The following MTHFD1L variants were observed in gnomAD, a reference collection of about 807,000 sequenced individuals.
MTHFD1L encodes the protein monofunctional C1-tetrahydrofolate synthase, mitochondrial.
Under a neutral mutation model 119.5 loss-of-function variants are expected in MTHFD1L, and 81 were observed. The observed-to-expected ratio is 0.68, with a 90% CI of 0.57 to 0.82. The LOEUF (loss-of-function observed/expected upper bound fraction) is 0.82. Among genes scored for constraint, MTHFD1L ranks in the 40% least tolerant of loss-of-function variants. The pLI, the probability that MTHFD1L is intolerant of heterozygous loss-of-function variation, is 0.00. For missense variants in MTHFD1L, 1,125 were observed against 1,253.4 expected (o/e 0.90, Z 1.55); for synonymous variants, 430 against 475.2 (o/e 0.90, Z 1.24).
chr6:151,061,870 G>C (rs1057451001), intron 26 of MTHFD1L, among the ~76,000 whole-genome samples: 17 of 152,184 alleles, frequency 1.1e-4, no homozygotes, highest in Non-Finnish European at 1.9e-4. Context: ...TCTATTTCAA[G>C]TCTGTTACTC....
intron 26 of MTHFD1L, among the ~76,000 whole-genome samples, chr6:151,076,141 CAGG>C (rs1263889554): frequency 4.6e-5 from 7 of 152,246 alleles, no homozygotes; most frequent in African/African-American, 9.6e-5. Flanking sequence ...CAGGCAGAGG[CAGG>C]AGGATGGCTT....
intron 20 of MTHFD1L, among the ~76,000 whole-genome samples, chr6:150,988,079 T>G (rs1399789810): frequency 3.9e-5 from 6 of 152,212 alleles, no homozygotes. Flanking sequence ...TAGAATGTAG[T>G]TCTGCTTACC....
At chr6:151,076,508 G>C (rs1032460921) in intron 26 of MTHFD1L, among the ~76,000 whole-genome samples, 1 of 151,958 alleles carries the variant, frequency 6.6e-6, no homozygotes, top group Non-Finnish European at 1.5e-5. Context: ...AAAATTAATT[G>C]GGCATGGTGG....
At chr6:150,877,586 C>A (rs377410939) in intron 2 of MTHFD1L, 48 bp from the exon 3 acceptor site, 2 of 1,591,712 alleles carry the variant, frequency 1.3e-6, no homozygotes, top group East Asian at 2.2e-5. Flanking sequence ...ATCTTTTGTG[C>A]CTTTTCAAGC....
Position 150,985,396 on chromosome 6 carries a change from T to TTA in MTHFD1L, c.2125+13338_2125+13339insTA, listed in dbSNP as rs1778137960. 2.0e-5 allele frequency among the ~76,000 whole-genome samples: 3 copies of TTA among 152,052 alleles called. No homozygotes were observed. In the East Asian group the frequency reaches 5.8e-4, roughly 29 times the overall value. ...TTGTTTTGAAAACTCTCCTTTGAGG[T>TTA]CGGGCACAGTGGCTCATGCCTGTAA... On this transcript the variant is annotated intron_variant, in intron 20 of 27. Transcript: ENST00000367321.
chr6:150,956,600 C>A (rs1190414637), intron 17 of MTHFD1L, among the ~76,000 whole-genome samples: 3 of 151,988 alleles, frequency 2.0e-5, no homozygotes, highest in African/African-American at 7.3e-5. Context: ...ATTGGATGTG[C>A]GTCAATGGCA....
chr6:150,905,768 G>A lies in MTHFD1L; in HGVS notation c.892+7G>A. The A allele has an allele frequency of 1.3e-6, 2 of 1,596,966 alleles. No homozygotes were observed. Among genetic ancestry groups the A allele is most frequent in the Non-Finnish European group, 1.7e-6 (2 of 1,164,356 alleles). On this transcript the variant is annotated splice_region_variant and intron_variant, in intron 8 of 27. Transcript: ENST00000367321. The stretch of plus-strand genomic sequence containing the variant: ...TCCCATGACTTCCTGTCAGGTAAAT[G>A]TCTTCACATTGGTGTTGAGCCACTG...
chr6:150,869,391 T>C lies in MTHFD1L; in HGVS notation c.227+3342T>C, dbSNP rs1779016208. ...CCCTCCCTGGGTCCACGTGTTCTTA[T>C]TGTTCAACTCCCACTTATGAGTGAG... On this transcript the variant is annotated intron_variant, in intron 1 of 27. Transcript: ENST00000367321. 2.6e-5 allele frequency among the ~76,000 whole-genome samples: 4 copies of C among 152,286 alleles called. No homozygotes were observed. In the South Asian group the frequency reaches 8.3e-4, roughly 32 times the overall value.
intron 1 of MTHFD1L, among the ~76,000 whole-genome samples, chr6:150,867,274 C>T (rs1018123620): frequency 6.6e-6 from 1 of 152,134 alleles, no homozygotes; most frequent in Non-Finnish European, 1.5e-5. Context: ...TCAATGCAGC[C>T]TCCGCCTCCT....
Position 150,944,559 on chromosome 6 carries a change from C to T in MTHFD1L, c.1514C>T (p.Thr505Met), listed in dbSNP as rs558610992. 1.4e-5 allele frequency: 22 copies of T among 1,613,994 alleles called. 1 individual carries two copies. Among genetic ancestry groups the T allele is most frequent in the South Asian group, 1.3e-4 (12 of 90,942 alleles). Residue 505 changes from threonine to methionine, a missense_variant, in exon 14 of 28, where the codon ACG becomes ATG. By Grantham distance (81) the Thr-to-Met change is moderately conservative. Around this residue, in one of 3 missense-constraint regions of MTHFD1L, gnomAD observed 1,058 missense variants for 1,151.2 expected, o/e 0.92. Transcript: ENST00000367321. Reference sequence around the variant, plus strand: ...AACTTGCTGGCTGCCGCCATCGACACGAGGATTCTTCATGAAAACACGCAA... The same window carrying T: ...AACTTGCTGGCTGCCGCCATCGACATGAGGATTCTTCATGAAAACACGCAA... ...ANNLLAAAID[T>M]RILHENTQTD... is the part of the protein sequence containing the mutation.
chr6:151,081,498 C>CAAAAAAA (rs56795003), intron 26 of MTHFD1L, among the ~76,000 whole-genome samples: 3 of 98,194 alleles, frequency 3.1e-5, no homozygotes, highest in African/African-American at 9.2e-5. Flanking sequence ...ACTAAAAATG[C>CAAAAAAA]AAAAAAAAAA....
chr6:150,976,292 AAG>A (rs1203325794), intron 20 of MTHFD1L, among the ~76,000 whole-genome samples: 1 of 152,156 alleles, frequency 6.6e-6, no homozygotes. Flanking sequence ...ACTTTCTTTG[AAG>A]AAATTCTTTC....
chr6:150,956,360 C>T (rs1738588), intron 17 of MTHFD1L, among the ~76,000 whole-genome samples: 120,001 of 152,078 alleles, frequency 0.79, 48,260 homozygotes, highest in East Asian at 0.97. Context: ...TATAAATTCT[C>T]ACTTATTTTA....
At chr6:150,917,526 A>G (rs1403380375) in intron 8 of MTHFD1L, among the ~76,000 whole-genome samples, 8 of 152,162 alleles carry the variant, frequency 5.3e-5, no homozygotes, top group Admixed American at 5.2e-4. Flanking sequence ...GATCCTTCTA[A>G]TAAGATGAAG....
intron 24 of MTHFD1L, among the ~76,000 whole-genome samples, chr6:151,020,252 G>GA (rs1783763497): frequency 6.6e-6 from 1 of 152,224 alleles, no homozygotes; most frequent in Non-Finnish European, 1.5e-5. Context: ...CCCAGGGCAT[G>GA]ACTGCATTTG....
At chr6:151,059,186 CTGG>C (rs71014535) in intron 26 of MTHFD1L, among the ~76,000 whole-genome samples, 31,320 of 151,028 alleles carry the variant, frequency 0.21, 4,305 homozygotes, top group Middle Eastern at 0.33. Flanking sequence ...CAGTTCTAAA[CTGG>C]TGGTGGTGGT....
chr6:150,947,925 G>A (rs1002107239), intron 15 of MTHFD1L, among the ~76,000 whole-genome samples: 4 of 152,104 alleles, frequency 2.6e-5, no homozygotes, highest in African/African-American at 9.7e-5. Flanking sequence ...GAAGAAATCT[G>A]GCCATAGGTA....
In MTHFD1L at chr6:151,004,024, A is replaced by G. The variant is rs570433595; in HGVS notation, c.2126-5795A>G. On this transcript the variant is annotated intron_variant, in intron 20 of 27. Transcript: ENST00000367321. ...GCTTTTTTTTAAAAAAAAAAAAAAA[A>G]AAAGAGAGAGAGAGATTGGTGATTA... Among the ~76,000 whole-genome samples the G allele has an allele frequency of 3.1e-3, 455 of 146,776 alleles. 3 individuals are homozygous for G. The highest frequency in any genetic ancestry group is 5.1e-3 in the Non-Finnish European group (347 of 67,406).
intron 26 of MTHFD1L, among the ~76,000 whole-genome samples, chr6:151,058,303 G>A (rs73780398): frequency 0.01 from 1,546 of 152,302 alleles, 33 homozygotes; most frequent in African/African-American, 0.034. Flanking sequence ...GGGCCGTGCC[G>A]GGGCTCTGAG....
Sources: allele counts gnomAD v4.1 joint callset (sites outside exome capture counted in the v4.1 genomes callset), GRCh38; gene constraint gnomAD v4.1.1; regional missense constraint gnomAD v4.1.1; transcripts MANE v1.5; gene names NCBI Gene and HGNC (gene_info 2026-07-23, HGNC 2026-07-21).